BRAP: variants seen among roughly 807,000 people sequenced by gnomAD.
BRAP encodes BRCA1 associated protein.
BRAP carries 42 observed loss-of-function variants against 73.4 expected under a neutral mutation model. The observed-to-expected ratio is 0.57, with a 90% CI of 0.45 to 0.74. BRAP has a LOEUF of 0.74. Ranked by LOEUF, BRAP falls within the 30% of genes least tolerant of loss-of-function variation. The pLI, the probability that BRAP is intolerant of heterozygous loss-of-function variation, is 0.00. For missense variants in BRAP, 593 were observed against 751.4 expected (o/e 0.79, Z 2.46); for synonymous variants, 255 against 267.4 (o/e 0.95, Z 0.45).
chr12:111,676,990 G>A (rs1336425717), intron 4 of BRAP, among the ~76,000 whole-genome samples: 1 of 152,184 alleles, frequency 6.6e-6, no homozygotes, highest in African/African-American at 2.4e-5. Flanking sequence ...GCCCCATGGG[G>A]AAGAGCATGC....
rs1208391571 is a variant in BRAP at position 111,665,880 on chromosome 12, T to C, written c.748-93A>G. 3.9e-6 allele frequency: 6 copies of C among 1,519,222 alleles called. No individual in the cohort carries two copies. Among genetic ancestry groups the C allele is most frequent in the African/African-American group, 1.4e-5 (1 of 73,176 alleles). The allele number at this position is 1,519,222 out of a possible 1,614,324, so 94.1% of individuals were successfully genotyped here. ...TTCTGAGACAGGGTCTCGCTCTCTG[T>C]CACCCACGCTGGAGCCCAGTGGCGC... On this transcript the variant is annotated intron_variant, in intron 5 of 11. Coordinates refer to ENST00000419234, the MANE Select transcript of BRAP (RefSeq NM_006768.5). This position sits in a 1 kb window ranked among gnomAD's most constrained non-coding sequence, Gnocchi z 4.3.
intron 3 of BRAP, among the ~76,000 whole-genome samples, chr12:111,679,876 C>CAAA (rs398044813): frequency 4.2e-5 from 3 of 72,090 alleles, no homozygotes; most frequent in Non-Finnish European, 7.6e-5. Flanking sequence ...GACTCCATCT[C>CAAA]AAAAAAAAAA....
intron 10 of BRAP, among the ~76,000 whole-genome samples, chr12:111,651,372 T>G (rs1465178909): frequency 6.6e-6 from 1 of 151,846 alleles, no homozygotes; most frequent in Non-Finnish European, 1.5e-5. Context: ...AGCCCGTCTC[T>G]ACTAAAAATA....
At chr12:111,646,918 T>C (rs1229039815) in intron 11 of BRAP, among the ~76,000 whole-genome samples, 1 of 152,166 alleles carries the variant, frequency 6.6e-6, no homozygotes, top group Non-Finnish European at 1.5e-5. Context: ...TTGCTTATAG[T>C]AGTGTGAGAT....
At chr12:111,680,476 C>A (rs1192634161) in intron 3 of BRAP, among the ~76,000 whole-genome samples, 1 of 150,838 alleles carries the variant, frequency 6.6e-6, no homozygotes. Context: ...GTGGGCTGAT[C>A]ACTTGAGGTT....
intron 5 of BRAP, among the ~76,000 whole-genome samples, chr12:111,668,743 G>A (rs1301236498): frequency 3.3e-5 from 5 of 151,140 alleles, no homozygotes; most frequent in African/African-American, 4.9e-5. Flanking sequence ...TGCAAGCTCC[G>A]CCTCCCGGGT....
At chr12:111,661,005 A>G (rs1046047849) in intron 6 of BRAP, among the ~76,000 whole-genome samples, 3 of 150,246 alleles carry the variant, frequency 2.0e-5, no homozygotes, top group Non-Finnish European at 3.0e-5. Flanking sequence ...TTTGAGACAG[A>G]GTCTTGCTCT....
At chr12:111,646,553 T>A (rs187362313) in intron 11 of BRAP, among the ~76,000 whole-genome samples, 2 of 152,232 alleles carry the variant, frequency 1.3e-5, no homozygotes, top group African/African-American at 4.8e-5. Context: ...GGAGGGTGGA[T>A]CACGAGATCA....
At chr12:111,679,363 G>A (rs780891285) in intron 3 of BRAP, 23 bp from the exon 4 acceptor site, 2 of 1,477,064 alleles carry the variant, frequency 1.4e-6, no homozygotes, top group Non-Finnish European at 1.8e-6. Context: ...AAATTAGAGT[G>A]TCTTGAATAG....
chr12:111,670,155 C>A, intron 5 of BRAP: 2 of 616,114 alleles, frequency 3.2e-6, no homozygotes, highest in Non-Finnish European at 6.3e-6. Context: ...TGTCATCCAA[C>A]TAAGGCAAAT....
chr12:111,668,808 CACA>C (rs1278564532), intron 5 of BRAP, among the ~76,000 whole-genome samples: 1 of 152,084 alleles, frequency 6.6e-6, no homozygotes, highest in Admixed American at 6.6e-5. Context: ...AGGTGCCCAC[CACA>C]ACGCCTAGCT....
intron 4 of BRAP, among the ~76,000 whole-genome samples, chr12:111,674,003 A>C (rs1040239784): frequency 1.3e-5 from 2 of 152,222 alleles, no homozygotes; most frequent in African/African-American, 2.4e-5. Context: ...GCATTAATCC[A>C]AACACAGAAA....
chr12:111,657,491 C>A (rs768260419), intron 9 of BRAP, among the ~76,000 whole-genome samples: 7 of 152,126 alleles, frequency 4.6e-5, no homozygotes, highest in Non-Finnish European at 7.4e-5. Flanking sequence ...ACTATCAGAC[C>A]TTTAAGAGTC....
rs766986472 is a variant in BRAP, at chr12:111,681,787, G to C, written c.293C>G (p.Pro98Arg). 1 of 1,613,600 alleles carries C rather than the reference G, an allele frequency of 6.2e-7. No homozygotes were observed. Among genetic ancestry groups the C allele is most frequent in the Non-Finnish European group, 8.5e-7 (1 of 1,179,888 alleles). The change falls in exon 3 of 12, where the codon CCC (proline) becomes CGC (arginine). Residue 98 changes from proline to arginine, a missense_variant. By Grantham distance (103) the Pro-to-Arg change is moderately radical. Around this residue, in one of 4 missense-constraint regions of BRAP, gnomAD observed 304 missense variants for 337.7 expected, o/e 0.90. Coordinates refer to ENST00000419234, the MANE Select transcript of BRAP (RefSeq NM_006768.5). ...GTGATCTTTACTTCTTTGCGCAGTG[G>C]GGGAGGCTTCTGAAGACTTCCTTTC... ...VEERKSSEAS[P>R]TAQRSKDHSK...
At chr12:111,681,948 T>G in intron 2 of BRAP, 113 bp from the exon 3 acceptor site, 2 of 961,590 alleles carry the variant, frequency 2.1e-6, no homozygotes, top group South Asian at 3.7e-5. Context: ...GTAATTACAA[T>G]GTAATGCATT....
At chr12:111,651,055 A>G (rs1255687387) in intron 10 of BRAP, among the ~76,000 whole-genome samples, 3 of 152,166 alleles carry the variant, frequency 2.0e-5, no homozygotes, top group African/African-American at 7.2e-5. Flanking sequence ...GGACACCAGC[A>G]AAAGATTTGG....
intron 5 of BRAP, among the ~76,000 whole-genome samples, chr12:111,668,938 C>T (rs987121235): frequency 6.6e-6 from 1 of 152,130 alleles, no homozygotes; most frequent in African/African-American, 2.4e-5. Context: ...CAGGCGTGAG[C>T]CACTGCGTCT....
Position 111,655,617 on chromosome 12 carries a change from T to G in BRAP, c.1260A>C (p.Arg420=), listed in dbSNP as rs775160059. 15 of 1,613,760 alleles carry G rather than the reference T, an allele frequency of 9.3e-6. No homozygotes were observed. The highest frequency in any genetic ancestry group is 1.3e-5 in the Non-Finnish European group (15 of 1,179,652). Reference sequence around the variant, plus strand: ...GAACTATCTTGTTTTCCCAGTAGATTCGCTGAGATTCCAGCTGGCTTGTTA... The same window carrying G: ...GAACTATCTTGTTTTCCCAGTAGATGCGCTGAGATTCCAGCTGGCTTGTTA... The part of the protein sequence containing the change: ...YLLTSQLESQ[R]IYWENKIVRI... The change falls in exon 10 of 12, where the codon CGA becomes CGC. Residue 420 remains arginine (R), a synonymous_variant. Coordinates refer to ENST00000419234, the MANE Select transcript of BRAP (RefSeq NM_006768.5).
At chr12:111,668,732 C>A (rs1286271101) in intron 5 of BRAP, among the ~76,000 whole-genome samples, 3 of 151,708 alleles carry the variant, frequency 2.0e-5, no homozygotes, top group African/African-American at 4.8e-5. Context: ...TCTCGGCTCA[C>A]TGCAAGCTCC....
Sources: gnomAD v4.1 joint callset for allele counts (sites outside exome capture counted in the v4.1 genomes callset) on GRCh38, gnomAD v4.1.1 for gene constraint, gnomAD v4.1.1 regional missense constraint, Gnocchi (gnomAD v3.1) non-coding constraint, MANE v1.5 for transcripts, NCBI Gene and HGNC (gene_info 2026-07-23, HGNC 2026-07-21) for gene names.